Variants in RGS7BP observed in about 807,000 individuals in gnomAD.
The protein encoded by RGS7BP is regulator of G protein signaling 7 binding protein, also known as regulator of G protein signaling 7-binding protein.
RGS7BP carries 9 observed loss-of-function variants against 31.3 expected under a neutral mutation model. The observed-to-expected ratio is 0.29, with a 90% confidence interval of 0.17 to 0.50. The LOEUF (loss-of-function observed/expected upper bound fraction) is 0.50, where lower values mean the gene tolerates loss of function less well. Among genes scored for constraint, RGS7BP ranks in the 20% least tolerant of loss-of-function variants. RGS7BP has a pLI of 0.98. For missense variants in RGS7BP, 274 were observed against 322.0 expected (o/e 0.85, Z 1.14); for synonymous variants, 115 against 120.1 (o/e 0.96, Z 0.28).
intron 2 of RGS7BP, among the ~76,000 whole-genome samples, chr5:64,525,739 A>C (rs1486376045): frequency 1.3e-5 from 2 of 152,104 alleles, no homozygotes; most frequent in African/African-American, 4.8e-5. Flanking sequence ...CCACGACCCC[A>C]CAGGTGCCCC....
At chr5:64,511,726 C>A (rs140881069) in intron 2 of RGS7BP, among the ~76,000 whole-genome samples, 3 of 152,270 alleles carry the variant, frequency 2.0e-5, no homozygotes, top group East Asian at 3.9e-4. Flanking sequence ...TTTGAGGCAA[C>A]TTGACAAAGA....
At chr5:64,572,862 T>C (rs987620902) in intron 2 of RGS7BP, among the ~76,000 whole-genome samples, 37 of 151,330 alleles carry the variant, frequency 2.4e-4, no homozygotes, top group African/African-American at 8.5e-4. Context: ...TACATGTGCA[T>C]AATGTGCAGG....
intron 5 of RGS7BP, among the ~76,000 whole-genome samples, chr5:64,604,268 C>T (rs980159490): frequency 6.6e-6 from 1 of 152,106 alleles, no homozygotes; most frequent in South Asian, 2.1e-4. Context: ...AGCATGAACT[C>T]CCAGGGCCTC....
At chr5:64,535,119 G>A (rs1749472876) in intron 2 of RGS7BP, among the ~76,000 whole-genome samples, 1 of 152,132 alleles carries the variant, frequency 6.6e-6, no homozygotes, top group Non-Finnish European at 1.5e-5. Context: ...CTTGACATGA[G>A]CAGCCAGAGG....
At position 64,591,098 on chromosome 5, in the gene RGS7BP, A is replaced by G. The variant is rs189111392; in HGVS notation, c.464-3612A>G. ...TAACTTTTGACAAAATACATTACAA[A>G]CAAAATTAAAAGACATAATAGAGTA... On this transcript the variant is annotated intron_variant, in intron 3 of 5. Transcript: ENST00000334025. Among the ~76,000 whole-genome samples, 498 of 152,224 alleles carry G rather than the reference A, an allele frequency of 3.3e-3. 2 individuals carry two copies. Among genetic ancestry groups the G allele is most frequent in the African/African-American group, 0.011 (477 of 41,566 alleles).
chr5:64,532,821 G>T (rs1187914249), intron 2 of RGS7BP, among the ~76,000 whole-genome samples: 2 of 151,854 alleles, frequency 1.3e-5, no homozygotes, highest in East Asian at 1.9e-4. Context: ...TATTTGGGTA[G>T]CGGAGGGCCT....
At chr5:64,529,359 C>T (rs1003995044) in intron 2 of RGS7BP, among the ~76,000 whole-genome samples, 31 of 152,132 alleles carry the variant, frequency 2.0e-4, no homozygotes, top group African/African-American at 6.8e-4. Context: ...AGAATATTCA[C>T]CTCATATAAT....
chr5:64,572,231 T>C (rs1037742920), intron 2 of RGS7BP, among the ~76,000 whole-genome samples: 3 of 152,188 alleles, frequency 2.0e-5, no homozygotes, highest in African/African-American at 4.8e-5. Flanking sequence ...AGCTTTTAAA[T>C]TGCTGTTTTC....
chr5:64,506,800 A>T lies in RGS7BP; in HGVS notation c.165+11A>T. ...GACGACTGCAAGATGGTGGGTGAAA[A>T]CTGCGCCTCTTTTTTTTTTTTTTTA... On this transcript the variant is annotated intron_variant, in intron 1 of 5. Coordinates refer to ENST00000334025, the MANE Select transcript of RGS7BP (RefSeq NM_001029875.3). This position sits in a 1 kb window ranked among gnomAD's most constrained non-coding sequence, Gnocchi z 4.6. The T allele has an allele frequency of 6.7e-7, 1 of 1,503,276 alleles. No homozygotes were observed. The allele number at this position is 1,503,276 out of a possible 1,614,324, so 93.1% of individuals were successfully genotyped here.
rs544692177 is a variant in RGS7BP, at chr5:64,567,889, T to C, written c.333-7885T>C. Among the ~76,000 whole-genome samples the C allele has an allele frequency of 2.9e-5, 4 of 138,520 alleles. No homozygotes were observed. The South Asian group carries it at 8.7e-4, about 30-fold the overall frequency. The allele number at this position is 138,520 out of a possible 152,430, so 90.9% of individuals were successfully genotyped here. On this transcript the variant is annotated intron_variant, in intron 2 of 5. Transcript: ENST00000334025. ...AATTAACAAGTTGATTTCTTTCCAG[T>C]ATAACACATGATAATTGAATGATAA...
Position 64,506,333 on chromosome 5 carries a change from G to C in RGS7BP, c.-292G>C, listed in dbSNP as rs929796345. On this transcript the variant is annotated 5_prime_UTR_variant, in exon 1 of 6. Coordinates refer to ENST00000334025, the MANE Select transcript of RGS7BP (RefSeq NM_001029875.3). This position sits in a 1 kb window ranked among gnomAD's most constrained non-coding sequence, Gnocchi z 4.6. ...ATCCATGCCGAGAGGAAGGCAGTGCGAGCCCGCGCCAGCGCCCAGCTCCCG... is the reference window on the plus strand; with the variant it reads ...ATCCATGCCGAGAGGAAGGCAGTGCCAGCCCGCGCCAGCGCCCAGCTCCCG... 1.6e-5 allele frequency: 5 copies of C among 306,164 alleles called. No individual in the cohort carries two copies. In the South Asian group the frequency reaches 6.2e-4, roughly 38 times the overall value. 19.0% of individuals were successfully genotyped at this position (306,164 alleles called of 1,614,324 possible). A position where few individuals can be genotyped will look rare whatever the true frequency, so the allele number is the denominator to read the frequency against.
rs757227089 is a variant in RGS7BP at position 64,594,818 on chromosome 5, AT to A, written c.574del (p.Ser192ProfsTer15). The stretch of plus-strand genomic sequence containing the variant: ...TCATCCCCCGTAGATAGTCAGCAAC[AT>A]TCCTGGCAGGTTTCCACAGACATTG... ...SSSSPVDSQQ[H>X]SWQVSTDIEN... is the part of the protein sequence containing the mutation. On this transcript the variant is annotated frameshift_variant, in exon 4 of 6. Transcript: ENST00000334025. LOFTEE classifies it high-confidence loss of function. 1 of 1,613,818 alleles carries A rather than the reference AT, an allele frequency of 6.2e-7. No homozygotes were observed. Among genetic ancestry groups the A allele is most frequent in the Non-Finnish European group, 8.5e-7 (1 of 1,179,796 alleles).
intron 2 of RGS7BP, among the ~76,000 whole-genome samples, chr5:64,571,721 A>G (rs1033596237): frequency 3.3e-5 from 5 of 152,106 alleles, no homozygotes; most frequent in South Asian, 2.1e-4. Flanking sequence ...TATTCATGTC[A>G]TCCTCCTCCT....
At chr5:64,557,460 C>T (rs2111852909) in intron 2 of RGS7BP, among the ~76,000 whole-genome samples, 1 of 152,312 alleles carries the variant, frequency 6.6e-6, no homozygotes, top group South Asian at 2.1e-4. Flanking sequence ...ACAGCCCAGC[C>T]AGGATACCCA....
intron 2 of RGS7BP, among the ~76,000 whole-genome samples, chr5:64,542,671 C>A (rs939237285): frequency 2.0e-5 from 3 of 152,092 alleles, no homozygotes; most frequent in Non-Finnish European, 4.4e-5. Context: ...TGCTGTTAAC[C>A]CTTTGTGTTC....
intron 2 of RGS7BP, 45 bp downstream of exon 2, chr5:64,507,922 G>A (rs1748739443): frequency 1.3e-6 from 2 of 1,501,354 alleles, no homozygotes; most frequent in Middle Eastern, 1.8e-4. Flanking sequence ...CATGATGCAT[G>A]GATGCTGACA....
Position 64,575,777 on chromosome 5 carries a change from G to T in RGS7BP, c.336G>T (p.Pro112=), listed in dbSNP as rs142936124. The T allele has an allele frequency of 1.9e-6, 3 of 1,606,432 alleles. No homozygotes were observed. The highest frequency in any genetic ancestry group is 2.5e-6 in the Non-Finnish European group (3 of 1,177,010). ...TTTCTCTTTCATTCTGTTGCAGCCC[G>T]GAAGATGGTGAGATCCATCCAGAAA... ...AHQKLAAISG[P]EDGEIHPEIC... is the part of the protein sequence containing the mutation. Residue 112 remains proline (P), a synonymous_variant, in exon 3 of 6, where the codon CCG becomes CCT. Coordinates refer to ENST00000334025, the MANE Select transcript of RGS7BP (RefSeq NM_001029875.3).
intron 2 of RGS7BP, among the ~76,000 whole-genome samples, chr5:64,552,806 G>C (rs1455737603): frequency 6.6e-6 from 1 of 152,040 alleles, no homozygotes; most frequent in Non-Finnish European, 1.5e-5. Context: ...CAAACTCCTG[G>C]GCTCAAGTAA....
At chr5:64,597,927 A>G (rs1743117614) in intron 4 of RGS7BP, among the ~76,000 whole-genome samples, 1 of 152,206 alleles carries the variant, frequency 6.6e-6, no homozygotes, top group South Asian at 2.1e-4. Context: ...CAGCAAGTGA[A>G]TGTACATAGC....
Sources: allele counts gnomAD v4.1 joint callset (sites outside exome capture counted in the v4.1 genomes callset), GRCh38; gene constraint gnomAD v4.1.1; non-coding constraint Gnocchi (gnomAD v3.1); transcripts MANE v1.5; gene names NCBI Gene and HGNC (gene_info 2026-07-23, HGNC 2026-07-21).